The following TNFRSF1A variants were observed in gnomAD, a reference collection of about 807,000 sequenced individuals.
The protein encoded by TNFRSF1A is tumor necrosis factor receptor superfamily member 1A.
In TNFRSF1A, 9 loss-of-function variants were observed where a neutral mutation model predicts 41.6. That is an observed-to-expected ratio of 0.22 (90% CI 0.13 to 0.38). The LOEUF (loss-of-function observed/expected upper bound fraction) is 0.38. Ranked by LOEUF, TNFRSF1A falls within the 10% of genes least tolerant of loss-of-function variation. The probability of loss-of-function intolerance (pLI) is 1.00; values close to 1 mark genes in which losing one functional copy is unlikely to be tolerated. For synonymous variants in TNFRSF1A, 254 were observed against 248.6 expected (o/e 1.02, Z -0.21); for missense variants, 463 against 591.5 (o/e 0.78, Z 2.25).
chr12:6,329,728 C>A, intron 9 of TNFRSF1A, 50 bp downstream of exon 9: 1 of 1,563,890 alleles, frequency 6.4e-7, no homozygotes, highest in Non-Finnish European at 8.7e-7. Flanking sequence ...CTCCCGCGCT[C>A]CCCCGGCCCT....
Position 6,335,334 on chromosome 12 carries a change from C to T in TNFRSF1A, c.40-1090G>A, listed in dbSNP as rs536794672. Reference sequence around the variant, plus strand: ...GGGGGCAGGAGTGGGCAAAGGTGTGCAGGACATAGGCAAATAGAGCTGGCC... The same window carrying T: ...GGGGGCAGGAGTGGGCAAAGGTGTGTAGGACATAGGCAAATAGAGCTGGCC... On this transcript the variant is annotated intron_variant, in intron 1 of 9. Coordinates refer to ENST00000162749, the MANE Select transcript of TNFRSF1A (RefSeq NM_001065.4). Among the ~76,000 whole-genome samples the T allele has an allele frequency of 1.3e-4, 20 of 152,214 alleles. No homozygotes were observed. The South Asian group carries it at 1.5e-3, about 11-fold the overall frequency.
chr12:6,330,043 A>G lies in TNFRSF1A; in HGVS notation c.792T>C (p.Thr264=), dbSNP rs113540488. The G allele has an allele frequency of 3.1e-6, 5 of 1,613,022 alleles. No individual in the cohort carries two copies. Among genetic ancestry groups the G allele is most frequent in the Non-Finnish European group, 4.2e-6 (5 of 1,179,976 alleles). ...EKEGELEGTT[T]KPLAPNPSFS... is the part of the protein sequence containing the mutation. ...AGCTTGGGTTTGGGGCCAGGGGCTT[A>G]GTAGTAGTTCCTTCAAGCTCCCCCT... The change falls in exon 9 of 10, where the codon ACT becomes ACC. Residue 264 remains threonine, a synonymous_variant. Transcript: ENST00000162749.
At position 6,329,326 on chromosome 12, in the gene TNFRSF1A, T is replaced by A. The variant is rs200346150; in HGVS notation, c.1354A>T (p.Ser452Cys). 1.1e-5 allele frequency: 16 copies of A among 1,473,186 alleles called. No homozygotes were observed. The highest frequency in any genetic ancestry group is 1.2e-5 in the Non-Finnish European group (14 of 1,121,632). 91.3% of individuals were successfully genotyped at this position (1,473,186 alleles called of 1,614,324 possible). A position where few individuals can be genotyped will look rare whatever the true frequency, so the allele number is the denominator to read the frequency against. The change falls in exon 10 of 10, where the codon AGT (serine) becomes TGT (cysteine). Residue 452 changes from serine to cysteine, a missense_variant. Physicochemically the swap from Ser to Cys is moderately radical, Grantham distance 112 (BLOSUM62 -1). Around this residue, in one of 4 missense-constraint regions of TNFRSF1A, gnomAD observed 277 missense variants for 288.8 expected, o/e 0.96. Transcript: ENST00000162749. ...CGPAALPPAP[S>C]LLR The stretch of plus-strand genomic sequence containing the variant: ...GGGGCGCAGCCTCATCTGAGAAGAC[T>A]GGGCGCGGGCGGGAGGGCGGCGGGG...
At chr12:6,339,821 TC>T (rs1948166550) in intron 1 of TNFRSF1A, among the ~76,000 whole-genome samples, 3 of 57,292 alleles carry the variant, frequency 5.2e-5, no homozygotes, top group Non-Finnish European at 1.1e-4. Flanking sequence ...CCCACTTCTC[TC>T]TCTCTCTCTC....
At chr12:6,330,133 AC>A in intron 8 of TNFRSF1A, 67 bp from the exon 9 acceptor site, 1 of 1,611,188 alleles carries the variant, frequency 6.2e-7, no homozygotes. Flanking sequence ...TCTTTATTCT[AC>A]GTGGGGGTTG....
At chr12:6,332,354 GC>G in intron 5 of TNFRSF1A, among the ~76,000 whole-genome samples, 1 of 150,630 alleles carries the variant, frequency 6.6e-6, no homozygotes, top group Admixed American at 6.6e-5. Context: ...CAAGAGGATG[GC>G]TTGAGCCCTG....
rs1191888442 is a variant in TNFRSF1A, at chr12:6,329,145, G to A, written c.*167C>T. The A allele has an allele frequency of 4.8e-6, 3 of 620,334 alleles. No individual in the cohort carries two copies. Among genetic ancestry groups the A allele is most frequent in the Non-Finnish European group, 2.5e-6 (1 of 405,284 alleles). 38.4% of individuals were successfully genotyped at this position (620,334 alleles called of 1,614,324 possible). A position where few individuals can be genotyped will look rare whatever the true frequency, so the allele number is the denominator to read the frequency against. On this transcript the variant is annotated 3_prime_UTR_variant, in exon 10 of 10. Transcript: ENST00000162749. The stretch of plus-strand genomic sequence containing the variant: ...TCCGCGCGCACAGCGCTGACTGTCG[G>A]CGGCGCGCAGGCAGCTGAGAAAAGC...
At position 6,333,340 on chromosome 12, in the gene TNFRSF1A, G is replaced by A; in HGVS notation, c.472+27C>T. ...GGCCAACCCCTGGGGTGGGGAGAGG[G>A]CTTGGCCTCAGGAGAGCTGCGCTCA... On this transcript the variant is annotated intron_variant, in intron 4 of 9. Transcript: ENST00000162749. The surrounding 1 kb of genome is among the most constrained non-coding windows in gnomAD (Gnocchi z 6.3). 6.2e-7 allele frequency: 1 copy of A among 1,610,538 alleles called. No individual in the cohort carries two copies. Among genetic ancestry groups the A allele is most frequent in the Non-Finnish European group, 8.5e-7 (1 of 1,178,494 alleles).
chr12:6,332,806 C>T (rs183603426), intron 5 of TNFRSF1A, among the ~76,000 whole-genome samples: 4 of 152,316 alleles, frequency 2.6e-5, no homozygotes, highest in Admixed American at 2.6e-4. Context: ...AATGAGCTAT[C>T]GTAGATCCAA....
At position 6,329,373 on chromosome 12, in the gene TNFRSF1A, T is replaced by C. The variant is rs1243645113; in HGVS notation, c.1307A>G (p.Asp436Gly). ...RDMDLLGCLE[D>G]IEEALCGPAA... is the part of the protein sequence containing the mutation. The stretch of plus-strand genomic sequence containing the variant: ...GGGGCCGCAAAGCGCCTCCTCGATG[T>C]CCTCCAGGCAGCCCAGCAGGTCCAT... Residue 436 changes from aspartate to glycine, a missense_variant, in exon 10 of 10, where the codon GAC becomes GGC. Physicochemically the swap from Asp to Gly is moderately conservative, Grantham distance 94. Around this residue, in one of 4 missense-constraint regions of TNFRSF1A, gnomAD observed 277 missense variants for 288.8 expected, o/e 0.96. Transcript: ENST00000162749. The C allele has an allele frequency of 4.0e-6, 6 of 1,509,780 alleles. No homozygotes were observed. Among genetic ancestry groups the C allele is most frequent in the African/African-American group, 1.4e-5 (1 of 69,616 alleles). 93.5% of individuals were successfully genotyped at this position (1,509,780 alleles called of 1,614,324 possible).
Position 6,341,889 on chromosome 12 carries a change from G to A in TNFRSF1A, c.-75C>T, listed in dbSNP as rs55785527. Reference sequence around the variant, plus strand: ...GGCAGCGGCAGTGCTGGGGCTTCCCGGGACTCGGTCTGTCCAGGACGTCCC... The same window carrying A: ...GGCAGCGGCAGTGCTGGGGCTTCCCAGGACTCGGTCTGTCCAGGACGTCCC... On this transcript the variant is annotated 5_prime_UTR_variant, in exon 1 of 10. Transcript: ENST00000162749. The surrounding 1 kb of genome is among the most constrained non-coding windows in gnomAD (Gnocchi z 4.6). The A allele has an allele frequency of 7.7e-4, 1,205 of 1,560,494 alleles. No individual in the cohort carries two copies. The highest frequency in any genetic ancestry group is 9.8e-4 in the Non-Finnish European group (1,116 of 1,133,332).
In TNFRSF1A at chr12:6,329,859, C is replaced by A. The variant is rs1304024970; in HGVS notation, c.976G>T (p.Ala326Ser). 6.3e-7 allele frequency: 1 copy of A among 1,599,628 alleles called. No individual in the cohort carries two copies. Among genetic ancestry groups the A allele is most frequent in the East Asian group, 2.3e-5 (1 of 44,224 alleles). ...PPYQGADPIL[A>S]TALASDPIPN... is the part of the protein sequence containing the mutation. ...ATGGGGTCGGAGGCGAGGGCTGTCG[C>A]AAGGATGGGGTCAGCCCCCTGATAG... Residue 326 changes from alanine to serine, a missense_variant, in exon 9 of 10, where the codon GCG becomes TCG. By Grantham distance (99) the Ala-to-Ser change is moderately conservative. This residue lies in a region of TNFRSF1A where 277 missense variants were observed against 288.8 expected (regional missense o/e 0.96). Coordinates refer to ENST00000162749, the MANE Select transcript of TNFRSF1A (RefSeq NM_001065.4).
intron 1 of TNFRSF1A, among the ~76,000 whole-genome samples, chr12:6,340,405 C>T (rs1339291121): frequency 6.6e-6 from 1 of 152,138 alleles, no homozygotes; most frequent in East Asian, 1.9e-4. Flanking sequence ...TGTGAGGGAG[C>T]CAGGGGCCGC....
At position 6,334,192 on chromosome 12, in the gene TNFRSF1A, A is replaced by C. The variant is rs763940329; in HGVS notation, c.92T>G (p.Val31Gly). The C allele has an allele frequency of 6.2e-7, 1 of 1,614,034 alleles. No homozygotes were observed. Among genetic ancestry groups the C allele is most frequent in the Middle Eastern group, 1.7e-4 (1 of 6,052 alleles). The change falls in exon 2 of 10, where the codon GTC (valine) becomes GGC (glycine). Residue 31 changes from valine to glycine, a missense_variant. Val to Gly is a moderately radical substitution (Grantham distance 109). Coordinates refer to ENST00000162749, the MANE Select transcript of TNFRSF1A (RefSeq NM_001065.4). This position sits in a 1 kb window ranked among gnomAD's most constrained non-coding sequence, Gnocchi z 5.1. ...CTTCTCCCTGTCCCCTAGGTGAGGGACCAGTCCAATAACCCCTGAGGGGTA... is the reference window on the plus strand; with the variant it reads ...CTTCTCCCTGTCCCCTAGGTGAGGGCCCAGTCCAATAACCCCTGAGGGGTA... The part of the protein sequence containing the change: ...GIYPSGVIGL[V>G]PHLGDREKRD...
rs34567207 is a variant in TNFRSF1A at position 6,333,279 on chromosome 12, G to C, written c.472+88C>G. 13 of 1,561,734 alleles carry C rather than the reference G, an allele frequency of 8.3e-6. No homozygotes were observed. Among genetic ancestry groups the C allele is most frequent in the South Asian group, 1.1e-5 (1 of 87,762 alleles). On this transcript the variant is annotated intron_variant, in intron 4 of 9. Coordinates refer to ENST00000162749, the MANE Select transcript of TNFRSF1A (RefSeq NM_001065.4). The surrounding 1 kb of genome is among the most constrained non-coding windows in gnomAD (Gnocchi z 6.3). ...GTTGTCAGACCCACAGAATACAGGA[G>C]GGGGAAGGAAAGGAAGTGCCACCGC...
In TNFRSF1A at chr12:6,329,362, C is replaced by G; in HGVS notation, c.1318G>C (p.Ala440Pro). 1 of 1,495,728 alleles carries G rather than the reference C, an allele frequency of 6.7e-7. No homozygotes were observed. The highest frequency in any genetic ancestry group is 1.3e-5 in the South Asian group (1 of 75,404). 92.7% of individuals were successfully genotyped at this position (1,495,728 alleles called of 1,614,324 possible). A position where few individuals can be genotyped will look rare whatever the true frequency, so the allele number is the denominator to read the frequency against. ...GGGAGGGCGGCGGGGCCGCAAAGCGCCTCCTCGATGTCCTCCAGGCAGCCC... is the reference window on the plus strand; with the variant it reads ...GGGAGGGCGGCGGGGCCGCAAAGCGGCTCCTCGATGTCCTCCAGGCAGCCC... ...LLGCLEDIEE[A>P]LCGPAALPPA... is the part of the protein sequence containing the mutation. The change falls in exon 10 of 10, where the codon GCG becomes CCG. Residue 440 changes from alanine (A) to proline (P), a missense_variant. Transcript: ENST00000162749.
intron 1 of TNFRSF1A, among the ~76,000 whole-genome samples, chr12:6,335,967 C>T (rs116645971): frequency 1.3e-5 from 2 of 152,328 alleles, no homozygotes; most frequent in South Asian, 2.1e-4. Flanking sequence ...CAGCCAACAC[C>T]GTGCCACCTC....
At chr12:6,331,895 G>A (rs1050633105) in intron 5 of TNFRSF1A, 4 of 180,782 alleles carry the variant, frequency 2.2e-5, no homozygotes, top group Admixed American at 1.9e-4. Context: ...CAGCTACTTG[G>A]GAGGCTGAAG....
Position 6,337,403 on chromosome 12 carries a change from T to C in TNFRSF1A, c.40-3159A>G, listed in dbSNP as rs1314932575. Among the ~76,000 whole-genome samples the C allele has an allele frequency of 1.3e-5, 2 of 152,208 alleles. No individual in the cohort carries two copies. The highest frequency in any genetic ancestry group is 1.3e-4 in the Admixed American group (2 of 15,290). On this transcript the variant is annotated intron_variant, in intron 1 of 9. Transcript: ENST00000162749. The surrounding 1 kb of genome is among the most constrained non-coding windows in gnomAD (Gnocchi z 4.6). ...GGCTTTAAAGTGTGACTTCCTGTGC[T>C]GGGGCTGCAGAGTGGGGAGGCGACG...
Sources: allele counts gnomAD v4.1 joint callset (sites outside exome capture counted in the v4.1 genomes callset), GRCh38; gene constraint gnomAD v4.1.1; regional missense constraint gnomAD v4.1.1; non-coding constraint Gnocchi (gnomAD v3.1); transcripts MANE v1.5; gene names NCBI Gene and HGNC (gene_info 2026-07-23, HGNC 2026-07-21).